The following HS6ST3 variants were observed in gnomAD, a reference collection of about 807,000 sequenced individuals.
HS6ST3 encodes the protein heparan sulfate 6-O-sulfotransferase 3.
In HS6ST3, 12 loss-of-function variants were observed where a neutral mutation model predicts 36.7. The ratio of observed to expected loss-of-function variants is 0.33; its 90% CI spans 0.21 to 0.53. The LOEUF (loss-of-function observed/expected upper bound fraction) is 0.53, where lower values mean the gene tolerates loss of function less well. Ranked by LOEUF, HS6ST3 falls within the 20% of genes least tolerant of loss-of-function variation. HS6ST3 has a pLI of 0.95. For synonymous variants in HS6ST3, 240 were observed against 257.5 expected, an observed-to-expected ratio of 0.93 and a Z score of 0.65; for missense variants, 584 against 640.9, an observed-to-expected ratio of 0.91 and a Z score of 0.96.
At chr13:96,782,181 C>T (rs1265097134) in intron 1 of HS6ST3, among the ~76,000 whole-genome samples, 2 of 152,150 alleles carry the variant, frequency 1.3e-5, no homozygotes, top group African/African-American at 4.8e-5. Context: ...CAATCTAGCC[C>T]AGAGGCTGCC....
chr13:96,418,624 A>G (rs1323255082), intron 1 of HS6ST3, among the ~76,000 whole-genome samples: 1 of 152,104 alleles, frequency 6.6e-6, no homozygotes, highest in Non-Finnish European at 1.5e-5. Flanking sequence ...AGAGATGCAA[A>G]TGGTTTAATG....
At chr13:96,240,489 G>A (rs1198942440) in intron 1 of HS6ST3, among the ~76,000 whole-genome samples, 1 of 152,132 alleles carries the variant, frequency 6.6e-6, no homozygotes, top group Non-Finnish European at 1.5e-5. Flanking sequence ...TGCTAAGTTA[G>A]GGATGAGGGA....
chr13:96,161,983 AAAAC>A lies in HS6ST3; in HGVS notation c.707+70419_707+70422del, dbSNP rs1266563835. Among the ~76,000 whole-genome samples the A allele has an allele frequency of 3.9e-5, 6 of 152,242 alleles. 1 individual carries two copies. The highest frequency in any genetic ancestry group is 2.1e-4 in the South Asian group (1 of 4,832). ...ATAAATGTCTTCACATTTATAAACA[AAAAC>A]AAACGTTTACAAAATAAGAATGGAC... On this transcript the variant is annotated intron_variant, in intron 1 of 1. Coordinates refer to ENST00000376705, the MANE Select transcript of HS6ST3 (RefSeq NM_153456.4).
In HS6ST3 at chr13:96,783,255, C is replaced by G. The variant is rs548737579; in HGVS notation, c.708-49235C>G. On this transcript the variant is annotated intron_variant, in intron 1 of 1. Transcript: ENST00000376705. ...ACAACAGCTATGACTAATCTTTGAGCTCCTGAACTGGGCTGATTTGTCCCT... is the reference window on the plus strand; with the variant it reads ...ACAACAGCTATGACTAATCTTTGAGGTCCTGAACTGGGCTGATTTGTCCCT... 3.3e-5 allele frequency among the ~76,000 whole-genome samples: 5 copies of G among 152,318 alleles called. No individual in the cohort carries two copies. In the South Asian group the frequency reaches 1.0e-3, roughly 32 times the overall value.
intron 1 of HS6ST3, among the ~76,000 whole-genome samples, chr13:96,576,086 G>C (rs1390226615): frequency 6.6e-6 from 1 of 152,178 alleles, no homozygotes; most frequent in Non-Finnish European, 1.5e-5. Flanking sequence ...CAGGAATGGG[G>C]GAGAGGGAGC....
At chr13:96,305,596 A>G (rs1403037593) in intron 1 of HS6ST3, among the ~76,000 whole-genome samples, 2 of 152,174 alleles carry the variant, frequency 1.3e-5, no homozygotes, top group African/African-American at 4.8e-5. Context: ...TTATCTTCAC[A>G]TAAATAATAT....
At chr13:96,450,425 G>A (rs1269193336) in intron 1 of HS6ST3, among the ~76,000 whole-genome samples, 3 of 152,120 alleles carry the variant, frequency 2.0e-5, no homozygotes, top group Non-Finnish European at 4.4e-5. Context: ...GAATTATTGT[G>A]AGATCTGTTT....
At chr13:96,440,877 C>G (rs752006797) in intron 1 of HS6ST3, among the ~76,000 whole-genome samples, 15 of 152,090 alleles carry the variant, frequency 9.9e-5, no homozygotes, top group Non-Finnish European at 1.8e-4. Flanking sequence ...GCATTTATTG[C>G]TAAGTTGATT....
At chr13:96,234,898 T>G (rs59590937) in intron 1 of HS6ST3, among the ~76,000 whole-genome samples, 14,636 of 152,236 alleles carry the variant, frequency 0.096, 1,072 homozygotes, top group African/African-American at 0.18. Flanking sequence ...AATTCCCATT[T>G]TCTATGCCTA....
intron 1 of HS6ST3, among the ~76,000 whole-genome samples, chr13:96,650,799 T>C (rs2056604653): frequency 6.6e-6 from 1 of 152,076 alleles, no homozygotes; most frequent in Admixed American, 6.6e-5. Context: ...TTCTTCTATG[T>C]GTGGGTGGAT....
chr13:96,354,805 C>A (rs552651672), intron 1 of HS6ST3, among the ~76,000 whole-genome samples: 3 of 152,084 alleles, frequency 2.0e-5, no homozygotes, highest in African/African-American at 7.2e-5. Flanking sequence ...CCATTAAAAT[C>A]GAATGAAGGA....
intron 1 of HS6ST3, among the ~76,000 whole-genome samples, chr13:96,450,216 T>C (rs2055720905): frequency 6.6e-6 from 1 of 152,124 alleles, no homozygotes; most frequent in Non-Finnish European, 1.5e-5. Context: ...TTGAACAGAG[T>C]CATTTTTTGG....
At chr13:96,791,688 G>C (rs890958401) in intron 1 of HS6ST3, among the ~76,000 whole-genome samples, 2 of 151,978 alleles carry the variant, frequency 1.3e-5, no homozygotes, top group Non-Finnish European at 2.9e-5. Flanking sequence ...ATACAACACT[G>C]TTCACCTCTT....
chr13:96,494,014 C>T (rs1050437949), intron 1 of HS6ST3, among the ~76,000 whole-genome samples: 1 of 152,122 alleles, frequency 6.6e-6, no homozygotes, highest in Admixed American at 6.6e-5. Context: ...TGTCTTTCTA[C>T]TATGTCAATG....
chr13:96,252,831 C>G (rs564405517), intron 1 of HS6ST3, among the ~76,000 whole-genome samples: 1 of 152,180 alleles, frequency 6.6e-6, no homozygotes, highest in African/African-American at 2.4e-5. Flanking sequence ...CCCCAACTCT[C>G]CCTTGCTCCT....
chr13:96,504,060 T>A (rs550435750), intron 1 of HS6ST3, among the ~76,000 whole-genome samples: 1 of 152,260 alleles, frequency 6.6e-6, no homozygotes, highest in South Asian at 2.1e-4. Flanking sequence ...CTGAATTTCC[T>A]CCAAGAGGCC....
intron 1 of HS6ST3, among the ~76,000 whole-genome samples, chr13:96,800,512 G>A (rs925899495): frequency 2.0e-5 from 3 of 152,004 alleles, no homozygotes; most frequent in Admixed American, 6.6e-5. Context: ...TTCTGTGCTT[G>A]TATCCCAAGG....
rs1245434092 is a variant in HS6ST3, at chr13:96,293,542, A to G, written c.707+201973A>G. 2.0e-5 allele frequency among the ~76,000 whole-genome samples: 3 copies of G among 152,256 alleles called. No individual in the cohort carries two copies. In the South Asian group the frequency reaches 6.2e-4, roughly 32 times the overall value. On this transcript the variant is annotated intron_variant, in intron 1 of 1. Coordinates refer to ENST00000376705, the MANE Select transcript of HS6ST3 (RefSeq NM_153456.4). The stretch of plus-strand genomic sequence containing the variant: ...ATAAACTCACACACAGATAAGACAT[A>G]CACACATATATATACACTCCCCCCT...
chr13:96,553,107 T>C (rs1477689417), intron 1 of HS6ST3, among the ~76,000 whole-genome samples: 1 of 152,178 alleles, frequency 6.6e-6, no homozygotes, highest in African/African-American at 2.4e-5. Flanking sequence ...CTTGTGAAAC[T>C]CGGTGTTTTT....
Sources: gnomAD v4.1 joint callset for allele counts (sites outside exome capture counted in the v4.1 genomes callset) on GRCh38, gnomAD v4.1.1 for gene constraint, MANE v1.5 for transcripts, NCBI Gene and HGNC (gene_info 2026-07-23, HGNC 2026-07-21) for gene names.